LIN54: variants seen among roughly 807,000 people sequenced by gnomAD.
LIN54 encodes lin-54 DREAM MuvB core complex component.
Under a neutral mutation model 78.7 loss-of-function variants are expected in LIN54, and 9 were observed. The ratio of observed to expected loss-of-function variants is 0.11; its 90% CI spans 0.07 to 0.20. The LOEUF (loss-of-function observed/expected upper bound fraction) is 0.20. Among genes scored for constraint, LIN54 ranks in the 10% least tolerant of loss-of-function variants. The probability of loss-of-function intolerance (pLI) is 1.00; values close to 1 mark genes in which losing one functional copy is unlikely to be tolerated. For synonymous variants in LIN54, 269 were observed against 318.4 expected (o/e 0.84, Z 1.65); for missense variants, 573 against 889.9 (o/e 0.64, Z 4.53).
intron 1 of LIN54, among the ~76,000 whole-genome samples, chr4:82,985,162 T>C (rs1727017474): frequency 6.6e-6 from 1 of 152,212 alleles, no homozygotes; most frequent in Non-Finnish European, 1.5e-5. Context: ...CATAATCACA[T>C]GAAACTCCTT....
At chr4:82,948,615 A>G (rs1304609898) in intron 4 of LIN54, among the ~76,000 whole-genome samples, 3 of 152,190 alleles carry the variant, frequency 2.0e-5, no homozygotes, top group Non-Finnish European at 4.4e-5. Flanking sequence ...CAATTTTGTT[A>G]CTTATAGTCC....
chr4:82,984,934 A>T (rs1460687527), intron 1 of LIN54, 58 bp from the exon 2 acceptor site: 6 of 1,247,064 alleles, frequency 4.8e-6, no homozygotes, highest in Non-Finnish European at 6.6e-6. Flanking sequence ...GTAAGAAAAA[A>T]ATTCAAAAAA....
At chr4:83,001,204 T>C (rs1418258143) in intron 1 of LIN54, among the ~76,000 whole-genome samples, 1 of 151,938 alleles carries the variant, frequency 6.6e-6, no homozygotes, top group Admixed American at 6.6e-5. Flanking sequence ...ATGAAGAAAA[T>C]CATGAAATAA....
chr4:82,948,560 G>A (rs1010074648), intron 4 of LIN54, among the ~76,000 whole-genome samples: 1 of 152,112 alleles, frequency 6.6e-6, no homozygotes, highest in African/African-American at 2.4e-5. Flanking sequence ...TTTGTGGCAA[G>A]GGCAGTTAAA....
intron 5 of LIN54, among the ~76,000 whole-genome samples, chr4:82,940,473 A>T (rs1196062198): frequency 6.6e-6 from 1 of 152,038 alleles, no homozygotes; most frequent in African/African-American, 2.4e-5. Flanking sequence ...GCTCACTGCA[A>T]CCTCCGCCTC....
chr4:82,959,325 T>C (rs1724598840), intron 4 of LIN54, among the ~76,000 whole-genome samples: 1 of 151,782 alleles, frequency 6.6e-6, no homozygotes, highest in Admixed American at 6.6e-5. Context: ...ATGACCGAGA[T>C]TCCAAAAAAA....
chr4:82,967,175 G>A lies in LIN54; in HGVS notation c.951+3152C>T, dbSNP rs1402081356. Among the ~76,000 whole-genome samples the A allele has an allele frequency of 4.7e-5, 7 of 150,450 alleles. No homozygotes were observed. In the East Asian group the frequency reaches 7.9e-4, roughly 17 times the overall value. ...CAGGAGGTGGAGGTTGCAGTGAGCCGAGATGGCGCCACTGCACTCCAGCCT... is the reference window on the plus strand; with the variant it reads ...CAGGAGGTGGAGGTTGCAGTGAGCCAAGATGGCGCCACTGCACTCCAGCCT... On this transcript the variant is annotated intron_variant, in intron 4 of 12. Transcript: ENST00000340417.
rs994453240 is a variant in LIN54, at chr4:82,948,701, A to C, written c.952-2227T>G. Among the ~76,000 whole-genome samples, 4 of 151,788 alleles carry C rather than the reference A, an allele frequency of 2.6e-5. No homozygotes were observed. The South Asian group carries it at 8.4e-4, about 32-fold the overall frequency. On this transcript the variant is annotated intron_variant, in intron 4 of 12. Transcript: ENST00000340417. ...CATCCTCTCACCTAGTTCCTCTGCT[A>C]CCCCCACCCAGTAACCAGTTTTATC...
chr4:82,972,120 T>C (rs1282999373), intron 3 of LIN54, among the ~76,000 whole-genome samples: 2 of 152,288 alleles, frequency 1.3e-5, no homozygotes, highest in East Asian at 3.9e-4. Flanking sequence ...AGTGGCGTGA[T>C]CATAGCTCAC....
At chr4:82,936,915 A>G (rs948868982) in intron 9 of LIN54, among the ~76,000 whole-genome samples, 1 of 152,176 alleles carries the variant, frequency 6.6e-6, no homozygotes, top group Non-Finnish European at 1.5e-5. Context: ...ATCACTTAGG[A>G]GACCAAATAC....
intron 4 of LIN54, among the ~76,000 whole-genome samples, chr4:82,968,385 G>C (rs553546953): frequency 6.6e-6 from 1 of 152,006 alleles, no homozygotes; most frequent in Non-Finnish European, 1.5e-5. Flanking sequence ...GTTCCTATTC[G>C]TATGTCATCA....
intron 5 of LIN54, among the ~76,000 whole-genome samples, chr4:82,941,694 G>A (rs1722915100): frequency 1.3e-5 from 2 of 152,138 alleles, no homozygotes; most frequent in East Asian, 3.8e-4. Context: ...AGATGCAAGA[G>A]ACCTGGTGTA....
intron 4 of LIN54, among the ~76,000 whole-genome samples, chr4:82,966,377 C>A (rs1010600793): frequency 2.0e-5 from 3 of 151,470 alleles, no homozygotes; most frequent in Non-Finnish European, 4.4e-5. Flanking sequence ...CAAAAAATGA[C>A]AAACTCCTGC....
upstream of LIN54, chr4:83,011,935 C>G (rs141376904): frequency 4.3e-4 from 285 of 664,838 alleles, no homozygotes; most frequent in African/African-American, 5.3e-3. Context: ...TTCAAGGCTG[C>G]GAACAGGGCC....
intron 5 of LIN54, among the ~76,000 whole-genome samples, chr4:82,941,149 G>GATATATATATATATATATATATAT (rs3081913): frequency 2.0e-4 from 26 of 131,136 alleles, no homozygotes; most frequent in South Asian, 7.7e-4. Context: ...GAGTTAAGAG[G>GATATATATATATATATATATATAT]ATATATATAT....
chr4:82,974,503 G>A (rs960198240), intron 3 of LIN54, among the ~76,000 whole-genome samples: 16 of 152,188 alleles, frequency 1.1e-4, no homozygotes, highest in Middle Eastern at 3.4e-3. Flanking sequence ...TTGGGAGGCC[G>A]AGGTGGGCAG....
chr4:82,974,135 A>T lies in LIN54; in HGVS notation c.809-3666T>A, dbSNP rs188034690. 2.0e-5 allele frequency among the ~76,000 whole-genome samples: 3 copies of T among 151,156 alleles called. No homozygotes were observed. In the South Asian group the frequency reaches 6.3e-4, roughly 32 times the overall value. ...TGAGGCAAGAGAATGGCGTGAACCCAGGAGGCGGAGCTTGCAGTGAGCCGA... is the reference window on the plus strand; with the variant it reads ...TGAGGCAAGAGAATGGCGTGAACCCTGGAGGCGGAGCTTGCAGTGAGCCGA... On this transcript the variant is annotated intron_variant, in intron 3 of 12. Transcript: ENST00000340417.
In LIN54 at chr4:82,946,491, C is replaced by T; in HGVS notation, c.952-17G>A. The T allele has an allele frequency of 6.4e-7, 1 of 1,562,202 alleles. No homozygotes were observed. Among genetic ancestry groups the T allele is most frequent in the Non-Finnish European group, 8.8e-7 (1 of 1,133,032 alleles). Reference sequence around the variant, plus strand: ...TTTCACTGCCTATTAAACAATACAACATGGCTGTCATTAATCTGGGATGTA... The same window carrying T: ...TTTCACTGCCTATTAAACAATACAATATGGCTGTCATTAATCTGGGATGTA... On this transcript the variant is annotated splice_polypyrimidine_tract_variant and intron_variant, in intron 4 of 12. Transcript: ENST00000340417.
At chr4:82,944,712 C>T (rs751789959) in intron 5 of LIN54, 16 of 152,072 alleles carry the variant, frequency 1.1e-4, no homozygotes, top group Non-Finnish European at 1.8e-4. Context: ...AGCTCCAAAT[C>T]TCTGATTTTT....
Sources: gnomAD v4.1 joint callset for allele counts (sites outside exome capture counted in the v4.1 genomes callset) on GRCh38, gnomAD v4.1.1 for gene constraint, MANE v1.5 for transcripts, NCBI Gene and HGNC (gene_info 2026-07-23, HGNC 2026-07-21) for gene names.